Variants in NECAB2 observed in about 807,000 individuals in gnomAD.
NECAB2 encodes N-terminal EF-hand calcium-binding protein 2.
NECAB2 carries 68 observed loss-of-function variants against 51.9 expected under a neutral mutation model. That is an observed-to-expected ratio of 1.31 (90% confidence interval 1.08 to 1.60). NECAB2 has a LOEUF of 1.60. Ranked by LOEUF, NECAB2 falls within the 40% of genes most tolerant of loss-of-function variation. NECAB2 has a pLI of 0.00. For missense variants in NECAB2, 854 were observed against 490.3 expected (o/e 1.74, Z -7.00); for synonymous variants, 329 against 203.5 (o/e 1.62, Z -5.25).
At chr16:83,997,996 T>G (rs531662073) in intron 9 of NECAB2, among the ~76,000 whole-genome samples, 11 of 152,310 alleles carry the variant, frequency 7.2e-5, no homozygotes, top group African/African-American at 2.6e-4. Flanking sequence ...TTCCCCATTT[T>G]TGGGGGCTAC....
intron 5 of NECAB2, among the ~76,000 whole-genome samples, chr16:83,990,286 G>T (rs1395398214): frequency 1.3e-5 from 2 of 152,162 alleles, no homozygotes; most frequent in African/African-American, 4.8e-5. Flanking sequence ...GGTGAAGCCA[G>T]GGTTCAAATT....
Position 83,998,301 on chromosome 16 carries a change from G to A in NECAB2, c.946G>A (p.Val316Met), listed in dbSNP as rs746473427. The A allele has an allele frequency of 5.0e-5, 80 of 1,613,334 alleles. No homozygotes were observed. The highest frequency in any genetic ancestry group is 2.2e-4 in the East Asian group (10 of 44,888). Reference protein sequence around the residue: ...LRQYLRGTTGVRNCFHITAVR... With the variant: ...LRQYLRGTTGMRNCFHITAVR... ...CCAGTATCTGCGGGGGACCACTGGC[G>A]TGAGGAACTGCTTCCAGTGAGTGAG... The change falls in exon 10 of 13, where the codon GTG becomes ATG. Residue 316 changes from valine to methionine, a missense_variant. Coordinates refer to ENST00000305202, the MANE Select transcript of NECAB2 (RefSeq NM_019065.3).
chr16:83,968,804 C>T lies in NECAB2; in HGVS notation c.156C>T (p.Asp52=). The change falls in exon 1 of 13, where the codon GAC becomes GAT. Residue 52 remains aspartate, a synonymous_variant. Coordinates refer to ENST00000305202, the MANE Select transcript of NECAB2 (RefSeq NM_019065.3). ...RESLAPAAPA[D]PGPASPRGGT... Reference sequence around the variant, plus strand: ...CGCTGGCCCCCGCCGCCCCCGCGGACCCCGGCCCAGCCTCGCCGCGCGGGG... The same window carrying T: ...CGCTGGCCCCCGCCGCCCCCGCGGATCCCGGCCCAGCCTCGCCGCGCGGGG... The T allele has an allele frequency of 8.9e-7, 1 of 1,127,652 alleles. No individual in the cohort carries two copies. Among genetic ancestry groups the T allele is most frequent in the Non-Finnish European group, 1.1e-6 (1 of 922,390 alleles). The allele number at this position is 1,127,652 out of a possible 1,614,324, so 69.9% of individuals were successfully genotyped here. A position where few individuals can be genotyped will look rare whatever the true frequency, so the allele number is the denominator to read the frequency against.
chr16:83,999,333 C>G (rs1234260461), intron 10 of NECAB2, among the ~76,000 whole-genome samples: 1 of 152,140 alleles, frequency 6.6e-6, no homozygotes, highest in African/African-American at 2.4e-5. Context: ...CAGACTTGAT[C>G]TTTTTCCATT....
chr16:83,972,262 C>T, intron 2 of NECAB2, 87 bp downstream of exon 2: 1 of 1,586,360 alleles, frequency 6.3e-7, no homozygotes, highest in South Asian at 1.1e-5. Flanking sequence ...GAGACAAGCG[C>T]AACCTTGAAC....
chr16:83,983,426 C>G (rs986727898), intron 5 of NECAB2, among the ~76,000 whole-genome samples: 3 of 152,176 alleles, frequency 2.0e-5, no homozygotes. Context: ...TCGAGTGCAT[C>G]TCTAGTACTT....
Position 83,990,670 on chromosome 16 carries a change from C to T in NECAB2, c.596+40C>T, listed in dbSNP as rs76774384. ...CCCTGCAGGGTCCCATGGGGGTATG[C>T]CGTGCACGCGCACGTGCCCACCTGC... is the stretch of plus-strand genomic sequence containing the variant. On this transcript the variant is annotated intron_variant, in intron 6 of 12. Coordinates refer to ENST00000305202, the MANE Select transcript of NECAB2 (RefSeq NM_019065.3). 7,270 of 1,608,236 alleles carry T rather than the reference C, an allele frequency of 4.5e-3. 280 individuals are homozygous for T. The African/African-American group carries it at 0.086, about 19-fold the overall frequency.
chr16:84,000,058 A>AC (rs1555549859), intron 10 of NECAB2, among the ~76,000 whole-genome samples: 16 of 118,224 alleles, frequency 1.4e-4, no homozygotes, highest in Non-Finnish European at 2.3e-4. Flanking sequence ...AGCAAGTTTT[A>AC]TTTTTTTTTT....
At chr16:83,981,388 C>T (rs1010749655) in intron 5 of NECAB2, among the ~76,000 whole-genome samples, 18 of 149,864 alleles carry the variant, frequency 1.2e-4, no homozygotes, top group African/African-American at 3.5e-4. Flanking sequence ...AAAGGGTGGC[C>T]GCAATCACCC....
Position 83,972,180 on chromosome 16 carries a change from G to C in NECAB2, c.226+5G>C. 1 of 1,613,610 alleles carries C rather than the reference G, an allele frequency of 6.2e-7. No homozygotes were observed. The highest frequency in any genetic ancestry group is 8.5e-7 in the Non-Finnish European group (1 of 1,180,030). On this transcript the variant is annotated splice_donor_5th_base_variant and intron_variant, in intron 2 of 12. Transcript: ENST00000305202. Reference sequence around the variant, plus strand: ...TCCGCCGTGCGGACAAAAATGGTGAGTTTCCCTTCCAGGCCGACGGCCGCC... The same window carrying C: ...TCCGCCGTGCGGACAAAAATGGTGACTTTCCCTTCCAGGCCGACGGCCGCC...
intron 9 of NECAB2, 110 bp downstream of exon 9, chr16:83,997,379 C>T (rs1567677923): frequency 2.9e-6 from 4 of 1,396,550 alleles, no homozygotes; most frequent in Non-Finnish European, 4.0e-6. Context: ...CTTGGGACCA[C>T]CAGGAGGGGA....
At chr16:83,997,790 GC>G (rs1206642471) in intron 9 of NECAB2, among the ~76,000 whole-genome samples, 1 of 152,048 alleles carries the variant, frequency 6.6e-6, no homozygotes, top group African/African-American at 2.4e-5. Context: ...ACCACACCTG[GC>G]CCAGAGGCTC....
Position 83,992,376 on chromosome 16 carries a change from G to GT in NECAB2, c.596+1747dup, listed in dbSNP as rs1555548087. On this transcript the variant is annotated intron_variant, in intron 6 of 12. Transcript: ENST00000305202. ...CATCTCCCGGGGAACACGAGCACCC[G>GT]TCCCCCCGCCCACCTCCATTTGCTG... Among the ~76,000 whole-genome samples, 897 of 109,768 alleles carry GT rather than the reference G, an allele frequency of 8.2e-3. 26 individuals are homozygous for GT. Among genetic ancestry groups the GT allele is most frequent in the African/African-American group, 0.054 (760 of 13,968 alleles). 72.0% of individuals were successfully genotyped at this position (109,768 alleles called of 152,430 possible). A position where few individuals can be genotyped will look rare whatever the true frequency, so the allele number is the denominator to read the frequency against.
chr16:83,997,437 C>T (rs553035158), intron 9 of NECAB2, among the ~76,000 whole-genome samples, 168 bp downstream of exon 9: 1 of 151,740 alleles, frequency 6.6e-6, no homozygotes, highest in East Asian at 1.9e-4. Flanking sequence ...GCACAGGAGC[C>T]ACCCCACCAA....
At chr16:83,980,711 G>A (rs970405316) in intron 3 of NECAB2, 128 bp from the exon 4 acceptor site, 30 of 1,289,300 alleles carry the variant, frequency 2.3e-5, no homozygotes, top group South Asian at 1.5e-4. Context: ...TCTGTAAGGC[G>A]GAGCTTGTGG....
At chr16:84,002,266 GAGGCTGCCCAC>G in intron 12 of NECAB2, 41 bp from the exon 13 acceptor site, 1 of 1,600,220 alleles carries the variant, frequency 6.2e-7, no homozygotes, top group Non-Finnish European at 8.6e-7. Flanking sequence ...CACCAGCTAC[GAGGCTGCCCAC>G]ATTCGCACTC....
intron 5 of NECAB2, among the ~76,000 whole-genome samples, chr16:83,984,528 C>A (rs13337552): frequency 4.3e-4 from 66 of 151,752 alleles, no homozygotes; most frequent in African/African-American, 1.6e-3. Flanking sequence ...TTCAAGACCA[C>A]CCTGGGCAAC....
upstream of NECAB2, among the ~76,000 whole-genome samples, chr16:83,967,530 TGGGA>T (rs1168489897): frequency 4.5e-5 from 4 of 88,078 alleles, no homozygotes; most frequent in South Asian, 4.5e-4. Context: ...GATGGATGGA[TGGGA>T]GGGAGGGAGG....
intron 6 of NECAB2, 22 bp downstream of exon 6, chr16:83,990,652 G>T (rs762024172): frequency 6.2e-7 from 1 of 1,613,318 alleles, no homozygotes; most frequent in Admixed American, 1.7e-5. Flanking sequence ...AGACCCTGCA[G>T]GGTCCCATGG....
Sources: gnomAD v4.1 joint callset for allele counts (sites outside exome capture counted in the v4.1 genomes callset) on GRCh38, gnomAD v4.1.1 for gene constraint, MANE v1.5 for transcripts, NCBI Gene and HGNC (gene_info 2026-07-23, HGNC 2026-07-21) for gene names.